The following GP6 variants were observed in gnomAD, a reference collection of about 807,000 sequenced individuals.
The protein encoded by GP6 is glycoprotein VI platelet.
A neutral mutation model predicts 37.3 loss-of-function variants in GP6; 45 were observed. The observed-to-expected ratio is 1.21, with a 90% CI of 0.95 to 1.55. The LOEUF (loss-of-function observed/expected upper bound fraction) is 1.55, where lower values mean the gene tolerates loss of function less well. Among genes scored for constraint, GP6 ranks in the 40% most tolerant of loss-of-function variants. The pLI is 0.00. For missense variants in GP6, 813 were observed against 760.2 expected, an observed-to-expected ratio of 1.07 and a Z score of -0.82; for synonymous variants, 340 against 316.4, an observed-to-expected ratio of 1.07 and a Z score of -0.79.
At chr19:55,015,969 C>A (rs1356587166) in intron 6 of GP6, among the ~76,000 whole-genome samples, 1 of 152,004 alleles carries the variant, frequency 6.6e-6, no homozygotes, top group African/African-American at 2.4e-5. Flanking sequence ...AAAACCCTAT[C>A]TCTACAAAAA....
At chr19:55,016,472 C>T (rs1371234875) in intron 6 of GP6, among the ~76,000 whole-genome samples, 15 of 146,134 alleles carry the variant, frequency 1.0e-4, no homozygotes, top group South Asian at 2.2e-4. Context: ...GCCTCCTGGG[C>T]TCAAGCGATT....
intron 5 of GP6, 45 bp from the exon 6 acceptor site, chr19:55,018,756 ATCC>A: frequency 1.6e-6 from 2 of 1,242,668 alleles, no homozygotes; most frequent in Admixed American, 3.4e-5. Flanking sequence ...GGTTCCCTAT[ATCC>A]TCTAGATATC....
chr19:55,023,840 G>A (rs2074168731), intron 5 of GP6, among the ~76,000 whole-genome samples: 1 of 152,094 alleles, frequency 6.6e-6, no homozygotes, highest in African/African-American at 2.4e-5. Context: ...TATCTCAAAC[G>A]GTTGCATACT....
At chr19:55,019,454 G>A (rs968889181) in intron 5 of GP6, among the ~76,000 whole-genome samples, 1 of 152,158 alleles carries the variant, frequency 6.6e-6, no homozygotes, top group African/African-American at 2.4e-5. Flanking sequence ...AGCAATATAA[G>A]AAGGTTCTTC....
chr19:55,014,906 C>A lies in GP6; in HGVS notation c.1039G>T (p.Ala347Ser). Residue 347 changes from alanine to serine, a missense_variant, in exon 8 of 8, where the codon GCA becomes TCA. By Grantham distance (99) the Ala-to-Ser change is moderately conservative. Coordinates refer to ENST00000310373, the MANE Select transcript of GP6 (RefSeq NM_001083899.2). ...GATCCCTCCCTTGGATACGACCGTG[C>A]CTGGGGTTCAGCGGTCATGAACATA... 1.2e-6 allele frequency: 2 copies of A among 1,613,706 alleles called. No individual in the cohort carries two copies. Among genetic ancestry groups the A allele is most frequent in the Non-Finnish European group, 1.7e-6 (2 of 1,179,976 alleles).
Position 55,015,002 on chromosome 19 carries a change from CGGG to C in GP6, c.940_942del (p.Pro314del). ...TTGATTTCCGGGTCAGCGGGAGGGGCGGGAGGGGCGGAAGCGGCCTCTGCACAG... is the reference window on the plus strand; with the variant it reads ...TTGATTTCCGGGTCAGCGGGAGGGGCAGGGGCGGAAGCGGCCTCTGCACAG... On this transcript the variant is annotated inframe_deletion, in exon 8 of 8. Transcript: ENST00000310373. 1 of 1,500,374 alleles carries C rather than the reference CGGG, an allele frequency of 6.7e-7. No individual in the cohort carries two copies. The highest frequency in any genetic ancestry group is 9.1e-7 in the Non-Finnish European group (1 of 1,096,798). 92.9% of individuals were successfully genotyped at this position (1,500,374 alleles called of 1,614,324 possible). A position where few individuals can be genotyped will look rare whatever the true frequency, so the allele number is the denominator to read the frequency against.
intron 5 of GP6, among the ~76,000 whole-genome samples, chr19:55,024,315 C>CGCATGCACACACACAT (rs1309640954): frequency 1.5e-5 from 2 of 135,648 alleles, no homozygotes; most frequent in Non-Finnish European, 3.1e-5. Flanking sequence ...CACATATGCA[C>CGCATGCACACACACAT]GCACACACAC....
intron 1 of GP6, among the ~76,000 whole-genome samples, chr19:55,034,524 C>G (rs2074752306): frequency 6.6e-6 from 1 of 151,712 alleles, no homozygotes; most frequent in Admixed American, 6.6e-5. Flanking sequence ...CCACTACACT[C>G]CAGCCTGGGC....
intron 6 of GP6, among the ~76,000 whole-genome samples, chr19:55,016,483 C>T (rs1455954689): frequency 1.3e-5 from 2 of 149,634 alleles, no homozygotes; most frequent in Admixed American, 6.7e-5. Flanking sequence ...TCAAGCGATT[C>T]TCCTGCCTCA....
In GP6 at chr19:55,014,936, G is replaced by A. The variant is rs747612828; in HGVS notation, c.1009C>T (p.Arg337Trp). 7 of 1,613,486 alleles carry A rather than the reference G, an allele frequency of 4.3e-6. No homozygotes were observed. The highest frequency in any genetic ancestry group is 5.9e-6 in the Non-Finnish European group (7 of 1,179,976). ...GGTTCAGCGGTCATGAACATAACCC[G>A]CGGCTGTGAACATCCTGTCGGCCTC... The change falls in exon 8 of 8, where the codon CGG becomes TGG. Residue 337 changes from arginine (R) to tryptophan (W), a missense_variant. By Grantham distance (101) the Arg-to-Trp change is moderately radical. Transcript: ENST00000310373.
intron 5 of GP6, among the ~76,000 whole-genome samples, chr19:55,019,106 T>TC (rs2073981317): frequency 1.3e-5 from 1 of 78,294 alleles, no homozygotes. Context: ...TTCTTTTTTT[T>TC]CTTTTTTTTT....
At chr19:55,019,955 G>A (rs563745679) in intron 5 of GP6, among the ~76,000 whole-genome samples, 1 of 152,254 alleles carries the variant, frequency 6.6e-6, no homozygotes, top group African/African-American at 2.4e-5. Context: ...TGGGAATACA[G>A]GCGTGAGCCA....
intron 3 of GP6, among the ~76,000 whole-genome samples, chr19:55,028,248 G>T (rs530475972): frequency 1.3e-5 from 2 of 152,348 alleles, no homozygotes; most frequent in South Asian, 4.1e-4. Flanking sequence ...AGCTTATACT[G>T]TGCTGTAAGC....
At chr19:55,034,978 G>A (rs1212281756) in intron 1 of GP6, among the ~76,000 whole-genome samples, 1 of 152,094 alleles carries the variant, frequency 6.6e-6, no homozygotes, top group African/African-American at 2.4e-5. Context: ...CCCTCCTCCT[G>A]CCGCATCACA....
chr19:55,038,143 T>G, intron 1 of GP6, 60 bp downstream of exon 1: 1 of 1,349,164 alleles, frequency 7.4e-7, no homozygotes. Context: ...TTAAAAATCC[T>G]TTGTCTGGCA....
chr19:55,017,961 G>A (rs1034063016), intron 6 of GP6, among the ~76,000 whole-genome samples: 4 of 152,142 alleles, frequency 2.6e-5, no homozygotes, highest in African/African-American at 7.2e-5. Context: ...CCAGCTACTC[G>A]GGAGGCTGAG....
intron 4 of GP6, among the ~76,000 whole-genome samples, chr19:55,025,680 T>A (rs2074273057): frequency 2.0e-5 from 3 of 150,718 alleles, no homozygotes. Context: ...CACTCCAGCC[T>A]GGGTGACGCA....
In GP6 at chr19:55,027,604, C is replaced by A. The variant is rs200525940; in HGVS notation, c.584G>T (p.Ser195Ile). Residue 195 changes from serine to isoleucine, a missense_variant, in exon 4 of 8, where the codon AGC (serine) becomes ATC (isoleucine). By Grantham distance (142) the Ser-to-Ile change is moderately radical (BLOSUM62 -2). Transcript: ENST00000310373. ...TGTGACCACAAGCTCCAGGGGGTCG[C>A]TGGGGGCTGACCACAGGTATGGGTC... 1 of 1,613,430 alleles carries A rather than the reference C, an allele frequency of 6.2e-7. No homozygotes were observed. The highest frequency in any genetic ancestry group is 2.2e-5 in the East Asian group (1 of 44,880).
At chr19:55,015,278 C>A (rs983159258) in intron 7 of GP6, 113 bp from the exon 8 acceptor site, 6 of 1,508,530 alleles carry the variant, frequency 4.0e-6, no homozygotes, top group African/African-American at 1.4e-5. Flanking sequence ...CTAGGGGATG[C>A]CGCTCACTTT....
Sources: gnomAD v4.1 joint callset for allele counts (sites outside exome capture counted in the v4.1 genomes callset) on GRCh38, gnomAD v4.1.1 for gene constraint, MANE v1.5 for transcripts, NCBI Gene and HGNC (gene_info 2026-07-23, HGNC 2026-07-21) for gene names.